PDE10A: variants seen among roughly 807,000 people sequenced by gnomAD.
PDE10A encodes cAMP and cAMP-inhibited cGMP 3',5'-cyclic phosphodiesterase 10A.
In PDE10A, 39 loss-of-function variants were observed where a neutral mutation model predicts 97.7. The observed-to-expected ratio is 0.40, with a 90% confidence interval of 0.31 to 0.52. The LOEUF (loss-of-function observed/expected upper bound fraction) is 0.52, where lower values mean the gene tolerates loss of function less well. Ranked by LOEUF, PDE10A falls within the 20% of genes least tolerant of loss-of-function variation. The probability of loss-of-function intolerance (pLI) is 0.56; values close to 1 mark genes in which losing one functional copy is unlikely to be tolerated. For synonymous variants in PDE10A, 371 were observed against 376.8 expected (o/e 0.98, Z 0.18); for missense variants, 731 against 1,047.8 (o/e 0.70, Z 4.17).
intron 1 of PDE10A, among the ~76,000 whole-genome samples, chr6:165,771,561 T>C (rs1778009728): frequency 7.0e-6 from 1 of 143,078 alleles, no homozygotes; most frequent in Non-Finnish European, 1.5e-5. Flanking sequence ...AACAATTCTC[T>C]AAGTAAAATA....
chr6:165,982,063 G>A (rs1785036712), intron 1 of PDE10A, among the ~76,000 whole-genome samples: 1 of 152,156 alleles, frequency 6.6e-6, no homozygotes, highest in Non-Finnish European at 1.5e-5. Flanking sequence ...TATTAATACA[G>A]GAAAGCTACA....
At chr6:165,604,113 C>CT (rs1267926888) in intron 1 of PDE10A, among the ~76,000 whole-genome samples, 1 of 152,116 alleles carries the variant, frequency 6.6e-6, no homozygotes, top group African/African-American at 2.4e-5. Flanking sequence ...AATTAGGTTC[C>CT]ATCCTAACAC....
chr6:165,860,122 CT>C (rs1780857816), intron 1 of PDE10A, among the ~76,000 whole-genome samples: 2 of 152,060 alleles, frequency 1.3e-5, no homozygotes, highest in Non-Finnish European at 2.9e-5. Flanking sequence ...GCACCAAAAC[CT>C]TGGGGACCAC....
chr6:165,402,880 G>A (rs1481024022), intron 13 of PDE10A, among the ~76,000 whole-genome samples: 2 of 152,094 alleles, frequency 1.3e-5, no homozygotes, highest in Non-Finnish European at 2.9e-5. Context: ...ATTACACTTA[G>A]AAATGACTGT....
chr6:165,719,846 G>A (rs1792121467), intron 1 of PDE10A, among the ~76,000 whole-genome samples: 1 of 152,218 alleles, frequency 6.6e-6, no homozygotes, highest in Admixed American at 6.5e-5. Flanking sequence ...GAAAAGACAA[G>A]TTGTACAAGA....
At chr6:165,894,369 G>A (rs766892449) in intron 1 of PDE10A, 3 of 455,974 alleles carry the variant, frequency 6.6e-6, no homozygotes, top group Admixed American at 2.3e-5. Flanking sequence ...AGAAGGCCTC[G>A]ACAGGCCAGA....
intron 1 of PDE10A, among the ~76,000 whole-genome samples, chr6:165,986,968 T>TG (rs5881673): frequency 0.96 from 146,037 of 152,024 alleles, 70,203 homozygotes; most frequent in East Asian, 1. Context: ...CAGAAGAGAC[T>TG]GGGGAGGTGG....
intron 1 of PDE10A, among the ~76,000 whole-genome samples, chr6:165,746,659 C>T (rs1792851672): frequency 6.6e-6 from 1 of 152,196 alleles, no homozygotes; most frequent in Non-Finnish European, 1.5e-5. Flanking sequence ...GCAAGAAGAG[C>T]AGAGGGCCTC....
rs1783563309 is a variant in PDE10A at position 165,543,347 on chromosome 6, T to G, written c.994+93A>C. ...ATTACAGTGTTAATATTTGTCTACT[T>G]TATATTTCACACTCTAGAATATATT... is the stretch of plus-strand genomic sequence containing the variant. On this transcript the variant is annotated intron_variant, in intron 2 of 21. Coordinates refer to ENST00000539869, the MANE Select transcript of PDE10A (RefSeq NM_001385079.1). The G allele has an allele frequency of 3.0e-5, 30 of 1,007,326 alleles. 1 individual carries two copies. In the South Asian group the frequency reaches 5.9e-4, roughly 20 times the overall value. 62.4% of individuals were successfully genotyped at this position (1,007,326 alleles called of 1,614,324 possible). A position where few individuals can be genotyped will look rare whatever the true frequency, so the allele number is the denominator to read the frequency against.
At chr6:165,429,587 G>A (rs1233338284) in intron 9 of PDE10A, among the ~76,000 whole-genome samples, 1 of 152,054 alleles carries the variant, frequency 6.6e-6, no homozygotes, top group African/African-American at 2.4e-5. Flanking sequence ...CGTTGTTGCT[G>A]GAGGCCACAG....
In PDE10A at chr6:165,671,237, A is replaced by G. The variant is rs1790639254; in HGVS notation, c.-614-127669T>C. Among the ~76,000 whole-genome samples, 1 of 151,772 alleles carries G rather than the reference A, an allele frequency of 6.6e-6. No individual in the cohort carries two copies. The highest frequency in any genetic ancestry group is 1.5e-5 in the Non-Finnish European group (1 of 67,970). On this transcript the variant is annotated intron_variant, in intron 1 of 19. Coordinates refer to the PDE10A transcript ENST00000366882. This position sits in a 1 kb window ranked among gnomAD's most constrained non-coding sequence, Gnocchi z 4.6. ...TCATCTGGTGATAGGCTAGAGTGAAACCCTCTTCTGTTTTTTTAACTACCT... is the reference window on the plus strand; with the variant it reads ...TCATCTGGTGATAGGCTAGAGTGAAGCCCTCTTCTGTTTTTTTAACTACCT...
At chr6:165,881,909 A>T (rs143983982) in intron 1 of PDE10A, among the ~76,000 whole-genome samples, 3,787 of 152,242 alleles carry the variant, frequency 0.025, 69 homozygotes, top group South Asian at 0.11. Context: ...TGCCCGTGAC[A>T]TTATTTGTAC....
chr6:165,950,663 A>C (rs1259899970), intron 1 of PDE10A, among the ~76,000 whole-genome samples: 1 of 152,188 alleles, frequency 6.6e-6, no homozygotes, highest in Non-Finnish European at 1.5e-5. Context: ...TCAGGAGGAC[A>C]GCAGCTGCCA....
intron 1 of PDE10A, among the ~76,000 whole-genome samples, chr6:165,785,957 C>T (rs887522254): frequency 3.3e-5 from 5 of 152,174 alleles, no homozygotes; most frequent in African/African-American, 7.2e-5. Flanking sequence ...TTTATACTTC[C>T]GTAATTTGTT....
At chr6:165,691,273 A>G (rs1054219159) in intron 1 of PDE10A, among the ~76,000 whole-genome samples, 1 of 146,880 alleles carries the variant, frequency 6.8e-6, no homozygotes. Flanking sequence ...CATTTGAGTC[A>G]CTGATGAGCC....
intron 1 of PDE10A, among the ~76,000 whole-genome samples, chr6:165,601,236 T>C (rs1253131235): frequency 6.6e-6 from 1 of 152,184 alleles, no homozygotes; most frequent in Non-Finnish European, 1.5e-5. Context: ...TTCTGAGGCC[T>C]CCTCAGCCAC....
chr6:165,930,361 G>A (rs900257974), intron 1 of PDE10A, among the ~76,000 whole-genome samples: 7 of 152,204 alleles, frequency 4.6e-5, no homozygotes, highest in Non-Finnish European at 8.8e-5. Context: ...GAGAGAGGGT[G>A]TGGGTGGCCA....
intron 17 of PDE10A, 135 bp from the exon 18 acceptor site, chr6:165,379,501 G>GT (rs1181538823): frequency 2.0e-4 from 128 of 630,582 alleles, no homozygotes; most frequent in South Asian, 4.1e-4. Flanking sequence ...GGTAACTTTT[G>GT]TTTTTTTTGA....
At chr6:165,385,377 T>C (rs906610597) in intron 17 of PDE10A, among the ~76,000 whole-genome samples, 4 of 152,074 alleles carry the variant, frequency 2.6e-5, no homozygotes, top group African/African-American at 2.4e-5. Context: ...AGAAGTCCTA[T>C]TGAGCACTAG....
Sources: gnomAD v4.1 joint callset for allele counts (sites outside exome capture counted in the v4.1 genomes callset) on GRCh38, gnomAD v4.1.1 for gene constraint, Gnocchi (gnomAD v3.1) non-coding constraint, MANE v1.5 for transcripts, NCBI Gene and HGNC (gene_info 2026-07-23, HGNC 2026-07-21) for gene names.